CUL4A: variants seen among roughly 807,000 people sequenced by gnomAD.
CUL4A encodes the protein cullin-4A.
CUL4A carries 16 observed loss-of-function variants against 95.5 expected under a neutral mutation model. That is an observed-to-expected ratio of 0.17 (90% CI 0.11 to 0.25). The LOEUF is 0.25. CUL4A is among the 10% of genes least tolerant of loss of function. CUL4A has a pLI of 1.00. For missense variants in CUL4A, 610 were observed against 937.0 expected (o/e 0.65, Z 4.56); for synonymous variants, 380 against 353.1 (o/e 1.08, Z -0.85).
At chr13:113,232,546 T>A (rs1428106124) in intron 5 of CUL4A, among the ~76,000 whole-genome samples, 1 of 152,208 alleles carries the variant, frequency 6.6e-6, no homozygotes, top group East Asian at 1.9e-4. Flanking sequence ...AGTAGGAGTG[T>A]TGAAGCAAAG....
chr13:113,231,965 T>C (rs1595380893), intron 5 of CUL4A, among the ~76,000 whole-genome samples: 1 of 147,284 alleles, frequency 6.8e-6, no homozygotes, highest in East Asian at 2.0e-4. Context: ...CACCATAATA[T>C]TATTAATAAT....
intron 18 of CUL4A, among the ~76,000 whole-genome samples, chr13:113,258,031 T>C (rs1051385117): frequency 4.6e-5 from 7 of 151,992 alleles, no homozygotes; most frequent in African/African-American, 1.4e-4. Flanking sequence ...TTTGTTTTGT[T>C]TTTTGAGACA....
chr13:113,212,636 T>G (rs1567009578), intron 2 of CUL4A, among the ~76,000 whole-genome samples: 1 of 152,064 alleles, frequency 6.6e-6, no homozygotes, highest in South Asian at 2.1e-4. Flanking sequence ...GTACAAAAAA[T>G]TAGCCGGGCG....
intron 16 of CUL4A, 93 bp downstream of exon 16, chr13:113,253,288 G>GT: frequency 1.9e-6 from 1 of 537,534 alleles, no homozygotes; most frequent in South Asian, 4.5e-5. Flanking sequence ...AAAAAGGAGT[G>GT]TTTCACTTTA....
At chr13:113,209,001 G>C (rs2040198413), upstream of CUL4A, 16 of 892,872 alleles carry the variant, frequency 1.8e-5, no homozygotes, top group Admixed American at 5.9e-5. Context: ...GACCCTCCGC[G>C]CCTGGCTGGG....
intron 17 of CUL4A, 49 bp downstream of exon 17, chr13:113,254,847 G>T (rs939388054): frequency 6.3e-7 from 1 of 1,581,568 alleles, no homozygotes; most frequent in Non-Finnish European, 8.7e-7. Flanking sequence ...CTTAAAGCAT[G>T]TATTTGTTTT....
chr13:113,232,137 C>T (rs12863163), intron 5 of CUL4A, among the ~76,000 whole-genome samples: 5,878 of 11,152 alleles, frequency 0.53, 1,038 homozygotes, highest in Non-Finnish European at 0.58. Context: ...CACCACTACC[C>T]GCCCACCACC....
At chr13:113,236,695 T>A (rs1431805027) in intron 8 of CUL4A, 128 bp from the exon 9 acceptor site, 1 of 581,186 alleles carries the variant, frequency 1.7e-6, no homozygotes, top group Non-Finnish European at 3.0e-6. Context: ...TGAGGAAATG[T>A]TCTTAACCTT....
At chr13:113,227,015 G>A (rs1315017299) in intron 3 of CUL4A, among the ~76,000 whole-genome samples, 1 of 152,136 alleles carries the variant, frequency 6.6e-6, no homozygotes, top group Non-Finnish European at 1.5e-5. Flanking sequence ...TGTTTCTGCC[G>A]GCAGGGACTT....
intron 12 of CUL4A, 70 bp from the exon 13 acceptor site, chr13:113,244,879 G>A: frequency 2.1e-6 from 2 of 935,594 alleles, no homozygotes; most frequent in Non-Finnish European, 3.4e-6. Context: ...TTCAGCAGTT[G>A]AAGTTTGAAG....
chr13:113,234,289 AAAATAT>A (rs1364299105), intron 7 of CUL4A, among the ~76,000 whole-genome samples: 1 of 152,248 alleles, frequency 6.6e-6, no homozygotes, highest in Non-Finnish European at 1.5e-5. Context: ...TGAAAACTTA[AAAATAT>A]AAATGTAAAT....
chr13:113,212,056 C>T (rs531057640), intron 2 of CUL4A, among the ~76,000 whole-genome samples: 65 of 152,284 alleles, frequency 4.3e-4, no homozygotes, highest in Non-Finnish European at 3.2e-4. Context: ...TTTGCATTTC[C>T]CTCTGATGCT....
chr13:113,238,769 G>A (rs953305902), intron 9 of CUL4A, among the ~76,000 whole-genome samples: 1 of 152,168 alleles, frequency 6.6e-6, no homozygotes, highest in African/African-American at 2.4e-5. Flanking sequence ...TGTGAACATC[G>A]TGCCCAGTGT....
At chr13:113,253,216 A>AT in intron 16 of CUL4A, 21 bp downstream of exon 16, 2 of 1,277,698 alleles carry the variant, frequency 1.6e-6, no homozygotes, top group African/African-American at 1.5e-5. Flanking sequence ...TGTTTCATTT[A>AT]TTTTTTATTA....
Position 113,209,795 on chromosome 13 carries a change from C to A in CUL4A, c.148+20C>A. 3 of 1,176,666 alleles carry A rather than the reference C, an allele frequency of 2.5e-6. No individual in the cohort carries two copies. In the South Asian group the frequency reaches 1.2e-4, roughly 48 times the overall value. 72.9% of individuals were successfully genotyped at this position (1,176,666 alleles called of 1,614,324 possible). A position where few individuals can be genotyped will look rare whatever the true frequency, so the allele number is the denominator to read the frequency against. On this transcript the variant is annotated intron_variant, in intron 1 of 19. Transcript: ENST00000375440. ...TCCGAGGTGGGTGCGGCGGCCGGGT[C>A]GAGGGCCAGGCGCCCCGGGCGGGGA... is the stretch of plus-strand genomic sequence containing the variant.
At chr13:113,228,848 C>T (rs1416800637) in intron 4 of CUL4A, among the ~76,000 whole-genome samples, 3 of 151,990 alleles carry the variant, frequency 2.0e-5, no homozygotes, top group Admixed American at 1.3e-4. Context: ...AGGCCGGGCG[C>T]GGTGGCTCAC....
At chr13:113,248,657 A>G (rs1013264972) in intron 15 of CUL4A, among the ~76,000 whole-genome samples, 3 of 152,224 alleles carry the variant, frequency 2.0e-5, no homozygotes, top group Non-Finnish European at 4.4e-5. Flanking sequence ...CACAGATACT[A>G]AAATTCACAC....
intron 8 of CUL4A, 96 bp downstream of exon 8, chr13:113,235,241 A>C (rs1468235306): frequency 1.2e-6 from 1 of 807,322 alleles, no homozygotes; most frequent in East Asian, 2.5e-5. Context: ...TTGTCAATTC[A>C]TTCAGTACTA....
At chr13:113,248,818 C>T (rs1407762973) in intron 15 of CUL4A, among the ~76,000 whole-genome samples, 1 of 152,182 alleles carries the variant, frequency 6.6e-6, no homozygotes, top group African/African-American at 2.4e-5. Context: ...CAGTAACAGA[C>T]CTGTCTGTTC....
Sources: gnomAD v4.1 joint callset for allele counts (sites outside exome capture counted in the v4.1 genomes callset) on GRCh38, gnomAD v4.1.1 for gene constraint, MANE v1.5 for transcripts, NCBI Gene and HGNC (gene_info 2026-07-23, HGNC 2026-07-21) for gene names.